Variants in FGD2 observed in about 807,000 individuals in gnomAD.
The protein encoded by FGD2 is FYVE, RhoGEF and PH domain-containing protein 2.
FGD2 carries 52 observed loss-of-function variants against 75.9 expected under a neutral mutation model. That is an observed-to-expected ratio of 0.69 (90% CI 0.55 to 0.86). FGD2 has a LOEUF of 0.86. Among genes scored for constraint, FGD2 ranks in the 40% least tolerant of loss-of-function variants. The pLI, the probability that FGD2 is intolerant of heterozygous loss-of-function variation, is 0.00. For synonymous variants in FGD2, 347 were observed against 348.6 expected (o/e 1.00, Z 0.05); for missense variants, 790 against 872.0 (o/e 0.91, Z 1.18).
In FGD2 at chr6:37,022,284, G is replaced by C; in HGVS notation, c.1372G>C (p.Asp458His). The stretch of plus-strand genomic sequence containing the variant: ...CCTCCGGGCACCGCAGTGGGTCCGG[G>C]ACAAGATGGTGACCATGTGCATGCG... ...LGLRAPQWVR[D>H]KMVTMCMRCQ... Residue 458 changes from aspartate (D) to histidine (H), a missense_variant, in exon 13 of 16, where the codon GAC becomes CAC. Asp to His is a moderately conservative substitution (Grantham distance 81, BLOSUM62 -1). Transcript: ENST00000274963. 1.3e-6 allele frequency: 2 copies of C among 1,590,342 alleles called. No homozygotes were observed. Among genetic ancestry groups the C allele is most frequent in the Non-Finnish European group, 1.7e-6 (2 of 1,171,008 alleles).
chr6:37,021,568 G>A lies in FGD2; in HGVS notation c.1290G>A (p.Ala430=), dbSNP rs35656248. 5.0e-6 allele frequency: 8 copies of A among 1,613,880 alleles called. No individual in the cohort carries two copies. Among genetic ancestry groups the A allele is most frequent in the African/African-American group, 4.0e-5 (3 of 74,918 alleles). Residue 430 remains alanine, a synonymous_variant, in exon 12 of 16, where the codon GCG becomes GCA. Coordinates refer to ENST00000274963, the MANE Select transcript of FGD2 (RefSeq NM_173558.4). The stretch of plus-strand genomic sequence containing the variant: ...AGCGGAATGAAACCTTCAAGGCTGC[G>A]GCCCAGGGGCCTGAGGGAGACATCC... ...IEKRNETFKA[A]AQGPEGDIQE... is the part of the protein sequence containing the mutation.
chr6:37,009,410 A>G (rs538777822), intron 2 of FGD2: 7 of 224,536 alleles, frequency 3.1e-5, no homozygotes, highest in Non-Finnish European at 5.3e-5. Flanking sequence ...CAGTTTACCC[A>G]CTGGAGGAGA....
chr6:37,007,220 G>T (rs1764794871), intron 1 of FGD2, among the ~76,000 whole-genome samples: 2 of 152,184 alleles, frequency 1.3e-5, no homozygotes, highest in African/African-American at 4.8e-5. Context: ...CCTAGGAATG[G>T]CCCGGATGCT....
intron 12 of FGD2, chr6:37,021,864 G>C: frequency 2.0e-6 from 1 of 498,564 alleles, no homozygotes; most frequent in Non-Finnish European, 3.6e-6. Context: ...AGCTGCAGGG[G>C]GCAGTAGGGT....
At chr6:37,016,688 C>G (rs570736956) in intron 9 of FGD2, among the ~76,000 whole-genome samples, 4 of 152,024 alleles carry the variant, frequency 2.6e-5, no homozygotes, top group Non-Finnish European at 5.9e-5. Context: ...CGCGAGCCCC[C>G]ATGCCCGGCC....
chr6:37,018,976 G>A (rs1765439354), intron 9 of FGD2, among the ~76,000 whole-genome samples: 2 of 152,202 alleles, frequency 1.3e-5, no homozygotes, highest in Admixed American at 6.5e-5. Context: ...GAAACCTGCT[G>A]GGGAGCTGGA....
In FGD2 at chr6:37,027,548, C is replaced by G; in HGVS notation, c.1725C>G (p.Leu575=). The G allele has an allele frequency of 6.2e-7, 1 of 1,614,120 alleles. No individual in the cohort carries two copies. The highest frequency in any genetic ancestry group is 8.5e-7 in the Non-Finnish European group (1 of 1,180,012). ...GTGTGATCCCTCGGGATGACCCCCT[C>G]GTGCTCTATGTCTATGCTGCCCCTC... ...GWCVIPRDDP[L]VLYVYAAPQD... is the part of the protein sequence containing the mutation. Residue 575 remains leucine (L), a synonymous_variant, in exon 15 of 16, where the codon CTC becomes CTG. Coordinates refer to ENST00000274963, the MANE Select transcript of FGD2 (RefSeq NM_173558.4).
rs1364701146 is a variant in FGD2, at chr6:37,015,728, T to C, written c.1030-40T>C. 4 of 1,544,622 alleles carry C rather than the reference T, an allele frequency of 2.6e-6. No homozygotes were observed. In the Admixed American group the frequency reaches 7.8e-5, roughly 30 times the overall value. On this transcript the variant is annotated intron_variant, in intron 8 of 15. Transcript: ENST00000274963. Reference sequence around the variant, plus strand: ...GGAAACCCCACCTAGCCATCCTCCCTGCCCCTGCCACGGGCCACTCACGCC... The same window carrying C: ...GGAAACCCCACCTAGCCATCCTCCCCGCCCCTGCCACGGGCCACTCACGCC...
intron 15 of FGD2, 101 bp downstream of exon 15, chr6:37,027,676 T>C (rs1214329274): frequency 2.8e-6 from 4 of 1,441,884 alleles, no homozygotes; most frequent in Non-Finnish European, 3.8e-6. Flanking sequence ...ATATGTCAGA[T>C]AGGGAAACTG....
At chr6:37,025,730 G>A (rs200572116) in intron 13 of FGD2, 62 bp from the exon 14 acceptor site, 206 of 1,600,868 alleles carry the variant, frequency 1.3e-4, no homozygotes, top group Non-Finnish European at 1.7e-4. Flanking sequence ...GCCCACCAAG[G>A]CAGGAGCCCA....
Position 37,014,940 on chromosome 6 carries a change from G to A in FGD2, c.931G>A (p.Asp311Asn), listed in dbSNP as rs140282952. ...GGTGTACCAGCGCCTGGGCCTCGAG[G>A]ACGACATAGTAGACCCCTCTAACAC... ...WEVYQRLGLE[D>N]DIVDPSNTLL... The change falls in exon 8 of 16, where the codon GAC (aspartate) becomes AAC (asparagine). Residue 311 changes from aspartate (D) to asparagine (N), a missense_variant. Asp to Asn is a conservative substitution (Grantham distance 23, BLOSUM62 1). Transcript: ENST00000274963. 6.9e-4 allele frequency: 1,110 copies of A among 1,614,054 alleles called. 1 individual carries two copies. Among genetic ancestry groups the A allele is most frequent in the Non-Finnish European group, 9.1e-4 (1,071 of 1,180,030 alleles).
intron 13 of FGD2, 176 bp from the exon 14 acceptor site, chr6:37,025,616 G>C (rs1255945612): frequency 6.1e-6 from 4 of 654,376 alleles, no homozygotes; most frequent in Non-Finnish European, 1.0e-5. Flanking sequence ...CCTCCAGGCA[G>C]TTGGGCCTCA....
At position 37,025,570 on chromosome 6, in the gene FGD2, A is replaced by G. The variant is rs113380727; in HGVS notation, c.1459-222A>G. On this transcript the variant is annotated intron_variant, in intron 13 of 15. Transcript: ENST00000274963. ...GGGCCGGGTCTTGAACCCTCAGCCT[A>G]AGAGCCCCGAGCCCGAGCTCCCCCA... 1,667 of 573,474 alleles carry G rather than the reference A, an allele frequency of 2.9e-3. 25 individuals are homozygous for G. Among genetic ancestry groups the G allele is most frequent in the African/African-American group, 0.028 (1,496 of 53,448 alleles). The allele number at this position is 573,474 out of a possible 1,614,324, so 35.5% of individuals were successfully genotyped here. A position where few individuals can be genotyped will look rare whatever the true frequency, so the allele number is the denominator to read the frequency against.
chr6:37,020,613 C>A lies in FGD2; in HGVS notation c.1195C>A (p.Gln399Lys). The A allele has an allele frequency of 6.2e-7, 1 of 1,603,740 alleles. No individual in the cohort carries two copies. Among genetic ancestry groups the A allele is most frequent in the Non-Finnish European group, 8.5e-7 (1 of 1,175,284 alleles). Reference sequence around the variant, plus strand: ...CGGGAAGCAGCGCACCCTGGAGCTGCAAGCCCGGTAAAGGAGCTGGGGTGG... The same window carrying A: ...CGGGAAGCAGCGCACCCTGGAGCTGAAAGCCCGGTAAAGGAGCTGGGGTGG... Reference protein sequence around the residue: ...VSGKQRTLELQARSQEEMISW... With the variant: ...VSGKQRTLELKARSQEEMISW... Residue 399 changes from glutamine to lysine, a missense_variant, in exon 10 of 16, where the codon CAA (glutamine) becomes AAA (lysine). Coordinates refer to ENST00000274963, the MANE Select transcript of FGD2 (RefSeq NM_173558.4).
intron 3 of FGD2, 165 bp from the exon 4 acceptor site, chr6:37,011,541 A>G: frequency 1.1e-6 from 1 of 932,766 alleles, no homozygotes; most frequent in Non-Finnish European, 1.6e-6. Flanking sequence ...TAAAGTGGCC[A>G]GAACACAACC....
intron 11 of FGD2, among the ~76,000 whole-genome samples, chr6:37,021,029 T>C (rs948961496): frequency 2.6e-5 from 4 of 151,532 alleles, no homozygotes; most frequent in Admixed American, 2.0e-4. Flanking sequence ...TATGTGTGTA[T>C]GTGTATATGT....
chr6:37,009,396 G>T (rs957551175), intron 2 of FGD2: 10 of 242,194 alleles, frequency 4.1e-5, no homozygotes, highest in African/African-American at 2.1e-4. Flanking sequence ...CTCAGGTGGG[G>T]CCTCAGTTTA....
At chr6:37,026,628 A>T (rs1765833464) in intron 14 of FGD2, among the ~76,000 whole-genome samples, 1 of 152,150 alleles carries the variant, frequency 6.6e-6, no homozygotes. Flanking sequence ...CACGAAGGCC[A>T]GGTTGACATC....
chr6:37,006,835 T>A (rs1233302802), intron 1 of FGD2, among the ~76,000 whole-genome samples: 1 of 152,040 alleles, frequency 6.6e-6, no homozygotes, highest in East Asian at 1.9e-4. Flanking sequence ...GATGCTGAAC[T>A]GCAGTGCACC....
Sources: gnomAD v4.1 joint callset for allele counts (sites outside exome capture counted in the v4.1 genomes callset) on GRCh38, gnomAD v4.1.1 for gene constraint, MANE v1.5 for transcripts, NCBI Gene and HGNC (gene_info 2026-07-23, HGNC 2026-07-21) for gene names.